RABGEF1: variants seen among roughly 807,000 people sequenced by gnomAD.
RABGEF1 encodes the protein rab5 GDP/GTP exchange factor.
Under a neutral mutation model 57.3 loss-of-function variants are expected in RABGEF1, and 26 were observed. The observed-to-expected ratio is 0.45, with a 90% CI of 0.33 to 0.63. The LOEUF (loss-of-function observed/expected upper bound fraction) is 0.63, where lower values mean the gene tolerates loss of function less well. Among genes scored for constraint, RABGEF1 ranks in the 20% least tolerant of loss-of-function variants. The probability of loss-of-function intolerance (pLI) is 0.02; values close to 1 mark genes in which losing one functional copy is unlikely to be tolerated. For missense variants in RABGEF1, 464 were observed against 607.6 expected (o/e 0.76, Z 2.48); for synonymous variants, 185 against 210.7 (o/e 0.88, Z 1.06).
At chr7:66,673,926 T>A in the RABGEF1 span, among the ~76,000 whole-genome samples, 1 of 152,150 alleles carries the variant, frequency 6.6e-6, no homozygotes, top group Non-Finnish European at 1.5e-5. Flanking sequence ...AAGGACTGAA[T>A]TTTTATTTTA....
At chr7:66,664,688 A>T in the RABGEF1 span, among the ~76,000 whole-genome samples, 1 of 152,112 alleles carries the variant, frequency 6.6e-6, no homozygotes, top group African/African-American at 2.4e-5. Flanking sequence ...CTTTGGGCCC[A>T]TCTGGCTCCC....
intron 7 of RABGEF1, among the ~76,000 whole-genome samples, chr7:66,804,488 A>G (rs1787983253): frequency 6.6e-6 from 1 of 152,066 alleles, no homozygotes; most frequent in Non-Finnish European, 1.5e-5. Context: ...TAATCCCAGC[A>G]TTTTGGGAGG....
the RABGEF1 span, among the ~76,000 whole-genome samples, chr7:66,659,872 TA>T: frequency 6.6e-6 from 1 of 151,224 alleles, no homozygotes; most frequent in Non-Finnish European, 1.5e-5. Flanking sequence ...AAAGAAGAAC[TA>T]AACCCAAGCT....
chr7:66,658,473 A>T, the RABGEF1 span, among the ~76,000 whole-genome samples: 1 of 149,976 alleles, frequency 6.7e-6, no homozygotes, highest in Non-Finnish European at 1.5e-5. Flanking sequence ...CGGAAGTTGC[A>T]GTGAGCTGAG....
At chr7:66,726,095 C>T (rs776820775) in intron 2 of RABGEF1, among the ~76,000 whole-genome samples, 49 of 151,730 alleles carry the variant, frequency 3.2e-4, no homozygotes, top group Non-Finnish European at 6.6e-4. Flanking sequence ...CAGGAAGCTG[C>T]TACTCAGACA....
chr7:66,710,446 T>C (rs943766961), intron 1 of RABGEF1, among the ~76,000 whole-genome samples: 3 of 152,236 alleles, frequency 2.0e-5, no homozygotes, highest in African/African-American at 7.2e-5. Context: ...TTTAATCTTT[T>C]AAGAAACTGC....
intron 3 of RABGEF1, among the ~76,000 whole-genome samples, chr7:66,776,872 C>T (rs1458208772): frequency 6.6e-6 from 1 of 152,112 alleles, no homozygotes; most frequent in Non-Finnish European, 1.5e-5. Context: ...GTGGAATAGC[C>T]AGGTAGTAAG....
intron 2 of RABGEF1, among the ~76,000 whole-genome samples, chr7:66,726,554 G>A (rs1278608904): frequency 6.6e-6 from 1 of 152,016 alleles, no homozygotes; most frequent in Non-Finnish European, 1.5e-5. Flanking sequence ...TAAAGAGATG[G>A]GGTCTTGCTA....
intron 4 of RABGEF1, among the ~76,000 whole-genome samples, chr7:66,785,500 A>G (rs1418144982): frequency 6.6e-6 from 1 of 152,206 alleles, no homozygotes; most frequent in African/African-American, 2.4e-5. Context: ...CACCTGAACT[A>G]ACATAACTAG....
chr7:66,667,014 T>C, the RABGEF1 span, among the ~76,000 whole-genome samples: 1 of 152,154 alleles, frequency 6.6e-6, no homozygotes, highest in Admixed American at 6.6e-5. Context: ...AAATCATATG[T>C]CCACTCCAGA....
chr7:66,767,645 A>C (rs1024857920), intron 1 of RABGEF1, among the ~76,000 whole-genome samples: 1 of 152,026 alleles, frequency 6.6e-6, no homozygotes, highest in African/African-American at 2.4e-5. Context: ...GAAAGTGGAG[A>C]CCTCATGACT....
chr7:66,800,517 C>T (rs1393255322), intron 7 of RABGEF1, among the ~76,000 whole-genome samples: 1 of 152,162 alleles, frequency 6.6e-6, no homozygotes, highest in Admixed American at 6.5e-5. Context: ...CAGATCAATA[C>T]TATTGTTTTT....
intron 1 of RABGEF1, among the ~76,000 whole-genome samples, chr7:66,708,454 AT>A (rs1237877635): frequency 6.6e-6 from 1 of 151,736 alleles, no homozygotes; most frequent in Admixed American, 6.6e-5. Context: ...TGCCTGGCTA[AT>A]TTTTGTATTT....
chr7:66,735,997 G>A (rs1287755679), upstream of RABGEF1, among the ~76,000 whole-genome samples: 2 of 152,164 alleles, frequency 1.3e-5, no homozygotes, highest in Non-Finnish European at 2.9e-5. Flanking sequence ...TTATTGAGTA[G>A]AGGTGGTTGC....
chr7:66,684,170 C>T (rs1207619110), intron 1 of RABGEF1, among the ~76,000 whole-genome samples: 1 of 152,120 alleles, frequency 6.6e-6, no homozygotes, highest in Non-Finnish European at 1.5e-5. Context: ...CCCTGGCTAG[C>T]TGCGGTGGCT....
the RABGEF1 span, among the ~76,000 whole-genome samples, chr7:66,657,688 A>G: frequency 3.5e-4 from 54 of 152,204 alleles, 1 homozygote; most frequent in South Asian, 8.1e-3. Flanking sequence ...AGGCATGGTG[A>G]TGCAGGCCTG....
intron 2 of RABGEF1, among the ~76,000 whole-genome samples, chr7:66,720,111 G>A (rs889087473): frequency 6.6e-6 from 1 of 151,324 alleles, no homozygotes; most frequent in Non-Finnish European, 1.5e-5. Flanking sequence ...GGTTTAAAAT[G>A]GCAGGATCAT....
In RABGEF1 at chr7:66,798,829, G is replaced by A. The variant is rs181306797; in HGVS notation, c.729-494G>A. ...GTACAGAAATTAGCTGGGCATGGAG[G>A]TGGGCGCCTGTAGTCCCGGCTGCTT... is the stretch of plus-strand genomic sequence containing the variant. On this transcript the variant is annotated intron_variant, in intron 6 of 8. Coordinates refer to ENST00000284957, the MANE Select transcript of RABGEF1 (RefSeq NM_014504.3). Among the ~76,000 whole-genome samples, 1,182 of 152,312 alleles carry A rather than the reference G, an allele frequency of 7.8e-3. 9 individuals carry two copies. Among genetic ancestry groups the A allele is most frequent in the Non-Finnish European group, 0.012 (843 of 68,032 alleles).
In RABGEF1 at chr7:66,759,871, T is replaced by C. The variant is rs567953767; in HGVS notation, c.-17-12012T>C. ...TGGGTGGGGACACAGTTCCAAACCA[T>C]ATCACATAGGCATATAGTCCCTTTA... On this transcript the variant is annotated intron_variant, in intron 1 of 8. Transcript: ENST00000284957. 4.6e-5 allele frequency among the ~76,000 whole-genome samples: 7 copies of C among 152,304 alleles called. No individual in the cohort carries two copies. The South Asian group carries it at 1.4e-3, about 32-fold the overall frequency.
Sources: allele counts gnomAD v4.1 joint callset (sites outside exome capture counted in the v4.1 genomes callset), GRCh38; gene constraint gnomAD v4.1.1; transcripts MANE v1.5; gene names NCBI Gene and HGNC (gene_info 2026-07-23, HGNC 2026-07-21).